CDC123: variants seen among roughly 807,000 people sequenced by gnomAD.
CDC123 encodes the protein translation initiation factor eIF2 assembly protein.
CDC123 carries 37 observed loss-of-function variants against 54.4 expected under a neutral mutation model. The ratio of observed to expected loss-of-function variants is 0.68; its 90% confidence interval spans 0.52 to 0.89. CDC123 has a LOEUF of 0.89. Among genes scored for constraint, CDC123 ranks in the 40% least tolerant of loss-of-function variants. The pLI, the probability that CDC123 is intolerant of heterozygous loss-of-function variation, is 0.00. For synonymous variants in CDC123, 144 were observed against 136.8 expected, an observed-to-expected ratio of 1.05 and a Z score of -0.37; for missense variants, 361 against 412.1, an observed-to-expected ratio of 0.88 and a Z score of 1.07.
At chr10:12,199,731 C>T (rs886376633) in intron 2 of CDC123, among the ~76,000 whole-genome samples, 6 of 152,100 alleles carry the variant, frequency 3.9e-5, no homozygotes, top group African/African-American at 7.2e-5. Flanking sequence ...ATTAATGTAG[C>T]GCCTCATTAA....
At chr10:12,228,870 A>C (rs1469902142) in intron 6 of CDC123, among the ~76,000 whole-genome samples, 3 of 151,674 alleles carry the variant, frequency 2.0e-5, no homozygotes, top group Admixed American at 6.6e-5. Context: ...GCGCCTGGCC[A>C]CGCCTGGCTA....
intron 11 of CDC123, 120 bp downstream of exon 11, chr10:12,246,397 C>T: frequency 9.0e-7 from 1 of 1,115,492 alleles, no homozygotes; most frequent in Non-Finnish European, 1.3e-6. Flanking sequence ...CAGAGTGTAA[C>T]ACAGCTTTAC....
At chr10:12,242,941 CA>C (rs913426815) in intron 10 of CDC123, among the ~76,000 whole-genome samples, 38 of 141,422 alleles carry the variant, frequency 2.7e-4, no homozygotes, top group African/African-American at 5.2e-4. Flanking sequence ...GACTCTGTCT[CA>C]AAAAAAAAAA....
intron 8 of CDC123, among the ~76,000 whole-genome samples, chr10:12,236,779 T>G (rs1835982508): frequency 6.6e-6 from 1 of 151,874 alleles, no homozygotes; most frequent in African/African-American, 2.4e-5. Flanking sequence ...CCGTAATCCT[T>G]GCTACTTGGG....
At chr10:12,233,609 A>G (rs1220094854) in intron 7 of CDC123, among the ~76,000 whole-genome samples, 1 of 152,130 alleles carries the variant, frequency 6.6e-6, no homozygotes, top group Non-Finnish European at 1.5e-5. Flanking sequence ...TATAAAATGT[A>G]TAAAATTATG....
intron 6 of CDC123, among the ~76,000 whole-genome samples, chr10:12,226,465 C>T (rs997718780): frequency 4.6e-5 from 7 of 151,418 alleles, no homozygotes; most frequent in African/African-American, 1.2e-4. Context: ...CCAGACGGGG[C>T]GGCTGCTGGG....
At chr10:12,201,750 C>T (rs1364893645) in intron 2 of CDC123, among the ~76,000 whole-genome samples, 2 of 152,122 alleles carry the variant, frequency 1.3e-5, no homozygotes, top group South Asian at 2.1e-4. Flanking sequence ...GAGAATGACT[C>T]GATCAGATTT....
chr10:12,200,896 G>A (rs1025229413), intron 2 of CDC123, among the ~76,000 whole-genome samples: 1 of 151,900 alleles, frequency 6.6e-6, no homozygotes, highest in African/African-American at 2.4e-5. Context: ...TCATGCCATT[G>A]CGCTCCAGCC....
intron 2 of CDC123, among the ~76,000 whole-genome samples, chr10:12,206,852 G>C (rs867865344): frequency 1.3e-5 from 2 of 151,736 alleles, no homozygotes; most frequent in Non-Finnish European, 2.9e-5. Context: ...CCAGCTACTC[G>C]GGAGGCTGAG....
intron 6 of CDC123, among the ~76,000 whole-genome samples, chr10:12,227,385 A>G (rs1835838588): frequency 6.6e-6 from 1 of 152,054 alleles, no homozygotes; most frequent in South Asian, 2.1e-4. Flanking sequence ...CCTCTGGTCT[A>G]TTGTTCTCTT....
chr10:12,245,751 G>A (rs999310949), intron 10 of CDC123: 9 of 158,490 alleles, frequency 5.7e-5, no homozygotes, highest in African/African-American at 1.9e-4. Context: ...TAAGTGAGAA[G>A]ATTTTTAAGA....
At chr10:12,249,873 A>G (rs1453277866) in intron 12 of CDC123, 155 bp downstream of exon 12, 1 of 982,702 alleles carries the variant, frequency 1.0e-6, no homozygotes, top group Admixed American at 3.5e-5. Flanking sequence ...CTAATTAAAT[A>G]TGAAATAGGA....
At chr10:12,217,271 T>C in intron 5 of CDC123, 90 bp from the exon 6 acceptor site, 1 of 1,226,666 alleles carries the variant, frequency 8.2e-7, no homozygotes, top group East Asian at 2.5e-5. Flanking sequence ...ACCCTTGAAG[T>C]GATATGCATT....
At chr10:12,238,634 G>T in intron 10 of CDC123, 149 bp downstream of exon 10, 2 of 905,116 alleles carry the variant, frequency 2.2e-6, no homozygotes, top group Non-Finnish European at 1.6e-6. Flanking sequence ...CCAGCACTTT[G>T]GGAGGCTTAG....
intron 3 of CDC123, 28 bp downstream of exon 3, chr10:12,210,052 T>C: frequency 6.2e-7 from 1 of 1,604,374 alleles, no homozygotes; most frequent in Non-Finnish European, 8.5e-7. Context: ...TAATCTGTTC[T>C]GTAGACTGTT....
In CDC123 at chr10:12,198,814, A is replaced by T. The variant is rs780171993; in HGVS notation, c.146+38A>T. ...AGAAAAAAATTTCTTAAACTTTATCATAAAGAAACACATAAAATGAATGAA... is the reference window on the plus strand; with the variant it reads ...AGAAAAAAATTTCTTAAACTTTATCTTAAAGAAACACATAAAATGAATGAA... On this transcript the variant is annotated intron_variant, in intron 2 of 12. Transcript: ENST00000281141. 9.4e-6 allele frequency: 10 copies of T among 1,059,514 alleles called. No individual in the cohort carries two copies. In the Admixed American group the frequency reaches 9.8e-5, roughly 10 times the overall value. 65.6% of individuals were successfully genotyped at this position (1,059,514 alleles called of 1,614,324 possible). A position where few individuals can be genotyped will look rare whatever the true frequency, so the allele number is the denominator to read the frequency against.
chr10:12,204,992 C>CAA (rs35683792), intron 2 of CDC123, among the ~76,000 whole-genome samples: 111 of 64,432 alleles, frequency 1.7e-3, no homozygotes, highest in Non-Finnish European at 2.5e-3. Flanking sequence ...GACTCCATAT[C>CAA]AAAAAAAAAA....
chr10:12,249,360 C>T (rs1013534393), intron 11 of CDC123, among the ~76,000 whole-genome samples: 6 of 152,216 alleles, frequency 3.9e-5, no homozygotes, highest in African/African-American at 1.4e-4. Context: ...TTCACCTGAG[C>T]CCAGGAGGTC....
At chr10:12,199,072 A>C (rs952336108) in intron 2 of CDC123, among the ~76,000 whole-genome samples, 2 of 152,214 alleles carry the variant, frequency 1.3e-5, no homozygotes, top group Non-Finnish European at 2.9e-5. Flanking sequence ...GGGGAAGTAC[A>C]TATTAAAATT....
Sources: gnomAD v4.1 joint callset for allele counts (sites outside exome capture counted in the v4.1 genomes callset) on GRCh38, gnomAD v4.1.1 for gene constraint, MANE v1.5 for transcripts, NCBI Gene and HGNC (gene_info 2026-07-23, HGNC 2026-07-21) for gene names.